The following SMIM36 variants were observed in gnomAD, a reference collection of about 807,000 sequenced individuals.
The protein encoded by SMIM36 is small integral membrane protein 36.
At chr17:55,498,991 T>C in intron 1 of SMIM36, among the ~76,000 whole-genome samples, 1 of 88,092 alleles carries the variant, frequency 1.1e-5, no homozygotes, top group Non-Finnish European at 1.9e-5. Flanking sequence ...AGAGTGAGAC[T>C]CTGTCACCAA....
the SMIM36 span, among the ~76,000 whole-genome samples, chr17:55,519,404 G>A: frequency 1.3e-5 from 2 of 152,264 alleles, no homozygotes; most frequent in African/African-American, 2.4e-5. Context: ...ATGGTGGAGT[G>A]AGTGCAATGG....
chr17:55,525,220 G>C, the SMIM36 span, among the ~76,000 whole-genome samples: 1 of 152,086 alleles, frequency 6.6e-6, no homozygotes, highest in Non-Finnish European at 1.5e-5. Context: ...CTACTTTTCA[G>C]CTTTATTTTC....
In SMIM36 at chr17:55,481,125, T is replaced by A. The variant is rs112382740; in HGVS notation, c.*175-1545A>T. 5.5e-3 allele frequency among the ~76,000 whole-genome samples: 833 copies of A among 151,674 alleles called. 5 individuals carry two copies. The highest frequency in any genetic ancestry group is 0.012 in the South Asian group (59 of 4,796). On this transcript the variant is annotated intron_variant, in intron 1 of 4. Transcript: ENST00000636752. ...CTCTCTCTCTCTTTATCTCTCTCTCTCACACACACACACCCTTTTAATTAA... is the reference window on the plus strand; with the variant it reads ...CTCTCTCTCTCTTTATCTCTCTCTCACACACACACACACCCTTTTAATTAA...
intron 1 of SMIM36, among the ~76,000 whole-genome samples, chr17:55,500,877 TTTATAATATATA>T (rs1303248412): frequency 0.016 from 598 of 36,706 alleles, 272 homozygotes; most frequent in African/African-American, 0.16. Flanking sequence ...TATATTATAT[TTTATAATATATA>T]TTATAATATA....
chr17:55,475,890 C>G (rs924834230), intron 3 of SMIM36, among the ~76,000 whole-genome samples: 1 of 152,122 alleles, frequency 6.6e-6, no homozygotes, highest in Non-Finnish European at 1.5e-5. Context: ...AATATCACCC[C>G]TTACCCCAAA....
chr17:55,517,391 A>G, the SMIM36 span, among the ~76,000 whole-genome samples: 244 of 152,270 alleles, frequency 1.6e-3, no homozygotes, highest in Non-Finnish European at 2.8e-3. Context: ...TCTCTACTGA[A>G]AATACAAAAA....
chr17:55,511,552 G>C (rs1385248010), upstream of SMIM36: 3 of 328,766 alleles, frequency 9.1e-6, no homozygotes, highest in African/African-American at 2.1e-5. Flanking sequence ...CACAGAAGCT[G>C]TCTGTCATCA....
At chr17:55,499,071 G>A (rs937782827) in intron 1 of SMIM36, among the ~76,000 whole-genome samples, 3 of 151,334 alleles carry the variant, frequency 2.0e-5, no homozygotes, top group Non-Finnish European at 4.4e-5. Context: ...GATAGTGACA[G>A]AGGGGAAATT....
intron 4 of SMIM36, 91 bp from the exon 5 acceptor site, chr17:55,450,389 A>G (rs1419690943): frequency 3.3e-5 from 5 of 152,246 alleles, no homozygotes; most frequent in Non-Finnish European, 1.5e-5. Context: ...CTAACAGCAT[A>G]TCTAATCTTT....
chr17:55,491,069 A>G (rs1335123244), intron 1 of SMIM36, among the ~76,000 whole-genome samples: 1 of 151,984 alleles, frequency 6.6e-6, no homozygotes, highest in African/African-American at 2.4e-5. Context: ...AGCCTGGGCA[A>G]CATAGTAAGA....
chr17:55,497,834 A>C (rs965488480), intron 1 of SMIM36, among the ~76,000 whole-genome samples: 1 of 152,224 alleles, frequency 6.6e-6, no homozygotes, highest in Non-Finnish European at 1.5e-5. Flanking sequence ...GCATAATGTC[A>C]CATCCAATAG....
chr17:55,501,853 C>T (rs933210376), intron 1 of SMIM36, among the ~76,000 whole-genome samples: 6 of 145,996 alleles, frequency 4.1e-5, no homozygotes, highest in South Asian at 2.2e-4. Context: ...AGACGGTGGG[C>T]GCAGGCCAGT....
chr17:55,515,096 T>G (rs904560841), upstream of SMIM36, among the ~76,000 whole-genome samples: 2 of 104,426 alleles, frequency 1.9e-5, no homozygotes, highest in East Asian at 2.2e-4. Context: ...GTTTTTTTTT[T>G]TTTTTTTTTT....
the SMIM36 span, among the ~76,000 whole-genome samples, chr17:55,523,918 C>CT: frequency 7.3e-5 from 11 of 150,622 alleles, no homozygotes; most frequent in East Asian, 3.9e-4. Context: ...TTTTTCTTTT[C>CT]TTTTTTTTTA....
rs55879501 is a variant in SMIM36, at chr17:55,508,431, A to AATATATATATATATATATATATAT, written c.*174+2424_*174+2447dup. Among the ~76,000 whole-genome samples the AATATATATATATATATATATATAT allele has an allele frequency of 1.6e-4, 18 of 114,312 alleles. 1 individual carries two copies. Among genetic ancestry groups the AATATATATATATATATATATATAT allele is most frequent in the African/African-American group, 4.2e-4 (12 of 28,376 alleles). The allele number at this position is 114,312 out of a possible 152,430, so 75.0% of individuals were successfully genotyped here. Reference sequence around the variant, plus strand: ...CATATTTTATATATATATTCCTAGGAATATATATATATATATATATATATA... The same window carrying AATATATATATATATATATATATAT: ...CATATTTTATATATATATTCCTAGGAATATATATATATATATATATATATATATATATATATATATATATATATA... On this transcript the variant is annotated intron_variant, in intron 1 of 4. Transcript: ENST00000636752.
upstream of SMIM36, among the ~76,000 whole-genome samples, chr17:55,515,919 C>A (rs1462686368): frequency 2.0e-5 from 3 of 152,218 alleles, no homozygotes; most frequent in African/African-American, 4.8e-5. Context: ...AGGAGGTATA[C>A]CAAGCTCTTT....
chr17:55,471,318 G>T (rs560610651), intron 3 of SMIM36, among the ~76,000 whole-genome samples: 26 of 152,128 alleles, frequency 1.7e-4, no homozygotes, highest in African/African-American at 6.0e-4. Flanking sequence ...CTTCTTTGCA[G>T]CCCCTCTTAC....
At chr17:55,526,829 C>T in the SMIM36 span, 1 of 152,140 alleles carries the variant, frequency 6.6e-6, no homozygotes, top group African/African-American at 2.4e-5. Flanking sequence ...TCTCCTTCCC[C>T]ACTTCAAGGA....
At chr17:55,492,637 A>AAG (rs1156599167) in intron 1 of SMIM36, among the ~76,000 whole-genome samples, 3 of 152,046 alleles carry the variant, frequency 2.0e-5, no homozygotes, top group African/African-American at 7.2e-5. Flanking sequence ...TTAAAAAAAA[A>AAG]AAAAGAAAAA....
Sources: allele counts gnomAD v4.1 joint callset (sites outside exome capture counted in the v4.1 genomes callset), GRCh38; gene constraint gnomAD v4.1.1; transcripts MANE v1.5; gene names NCBI Gene and HGNC (gene_info 2026-07-23, HGNC 2026-07-21).